The following SHANK1 variants were observed in gnomAD, a reference collection of about 807,000 sequenced individuals.
SHANK1 encodes SH3 and multiple ankyrin repeat domains protein 1.
A neutral mutation model predicts 165.6 loss-of-function variants in SHANK1; 35 were observed. The observed-to-expected ratio is 0.21, with a 90% CI of 0.16 to 0.28. SHANK1 has a LOEUF of 0.28. Ranked by LOEUF, SHANK1 falls within the 10% of genes least tolerant of loss-of-function variation. The pLI, the probability that SHANK1 is intolerant of heterozygous loss-of-function variation, is 1.00. For synonymous variants in SHANK1, 1,428 were observed against 1,384.8 expected (o/e 1.03, Z -0.69); for missense variants, 2,681 against 3,036.4 (o/e 0.88, Z 2.75).
rs1285230103 is a variant in SHANK1 at position 50,716,504 on chromosome 19, G to T, written c.256-26C>A. 1 of 1,612,134 alleles carries T rather than the reference G, an allele frequency of 6.2e-7. No individual in the cohort carries two copies. Among genetic ancestry groups the T allele is most frequent in the East Asian group, 2.2e-5 (1 of 44,848 alleles). Reference sequence around the variant, plus strand: ...CTGGTTGGGGAAGAGATAGGGGCTAGGGTGGGCCAGGGGCCAGAGGAGAGC... The same window carrying T: ...CTGGTTGGGGAAGAGATAGGGGCTATGGTGGGCCAGGGGCCAGAGGAGAGC... On this transcript the variant is annotated intron_variant, in intron 2 of 23. Transcript: ENST00000293441. This position sits in a 1 kb window ranked among gnomAD's most constrained non-coding sequence, Gnocchi z 8.4.
At chr19:50,677,156 C>T (rs112915124) in intron 21 of SHANK1, among the ~76,000 whole-genome samples, 1,665 of 142,884 alleles carry the variant, frequency 0.012, 35 homozygotes, top group African/African-American at 0.04. Flanking sequence ...AGATGGGAGT[C>T]TCACTGTGTC....
chr19:50,703,444 C>A, intron 11 of SHANK1, 56 bp downstream of exon 11: 1 of 1,446,822 alleles, frequency 6.9e-7, no homozygotes, highest in Non-Finnish European at 9.3e-7. Flanking sequence ...AGCCGCCGAT[C>A]TGGAGAGGGG....
intron 11 of SHANK1, 98 bp downstream of exon 11, chr19:50,703,402 C>T: frequency 1.9e-6 from 2 of 1,060,862 alleles, no homozygotes; most frequent in Non-Finnish European, 1.3e-6. Flanking sequence ...TGAGGGCCTA[C>T]AGAGGAAGGC....
rs1047938859 is a variant in SHANK1, at chr19:50,688,547, ATCCACCTGC to A, written c.2172+288_2172+296del. 5.9e-5 allele frequency among the ~76,000 whole-genome samples: 9 copies of A among 152,192 alleles called. No individual in the cohort carries two copies. Among genetic ancestry groups the A allele is most frequent in the African/African-American group, 2.2e-4 (9 of 41,534 alleles). On this transcript the variant is annotated intron_variant, in intron 17 of 23. Transcript: ENST00000293441. This position sits in a 1 kb window ranked among gnomAD's most constrained non-coding sequence, Gnocchi z 6.7. Reference sequence around the variant, plus strand: ...GGTCTCAAACTCTTGAGTTCAAGCAATCCACCTGCTTCAGCCTCCCAAAGCACTGGGATC... The same window carrying A: ...GGTCTCAAACTCTTGAGTTCAAGCAATTCAGCCTCCCAAAGCACTGGGATC...
Position 50,666,241 on chromosome 19 carries a change from C to A in SHANK1, c.5719G>T (p.Gly1907Trp). 1 of 1,609,488 alleles carries A rather than the reference C, an allele frequency of 6.2e-7. No individual in the cohort carries two copies. The highest frequency in any genetic ancestry group is 2.2e-5 in the East Asian group (1 of 44,704). Residue 1907 changes from glycine (G) to tryptophan (W), a missense_variant, in exon 23 of 24, where the codon GGG becomes TGG. Gly to Trp is a radical substitution (Grantham distance 184). Transcript: ENST00000293441. ...GSGGGGDSHH[G>W]GASYVPERTS... ...CTCTCGGGGACATAGCTGGCTCCCC[C>A]GTGGTGGCTGTCTCCGCCTCCCCCA... is the stretch of plus-strand genomic sequence containing the variant.
rs1986343481 is a variant in SHANK1 at position 50,686,524 on chromosome 19, C to T, written c.2459-169G>A. 6.6e-6 allele frequency among the ~76,000 whole-genome samples: 1 copy of T among 152,002 alleles called. No individual in the cohort carries two copies. Among genetic ancestry groups the T allele is most frequent in the South Asian group, 2.1e-4 (1 of 4,818 alleles). Reference sequence around the variant, plus strand: ...GGACGGGCAGTCCCGCTTGGAGACACAATCTCCCAGCCCAGTGGGCAGCAC... The same window carrying T: ...GGACGGGCAGTCCCGCTTGGAGACATAATCTCCCAGCCCAGTGGGCAGCAC... On this transcript the variant is annotated intron_variant, in intron 20 of 23. Transcript: ENST00000293441. This position sits in a 1 kb window ranked among gnomAD's most constrained non-coding sequence, Gnocchi z 5.7.
intron 21 of SHANK1, among the ~76,000 whole-genome samples, chr19:50,673,993 A>G (rs1003556633): frequency 6.6e-6 from 1 of 151,678 alleles, no homozygotes; most frequent in East Asian, 1.9e-4. Context: ...AGTTCTTGCT[A>G]TGTTGCCCAG....
intron 22 of SHANK1, among the ~76,000 whole-genome samples, chr19:50,669,518 T>C (rs1237786563): frequency 6.6e-6 from 1 of 152,040 alleles, no homozygotes; most frequent in Non-Finnish European, 1.5e-5. Flanking sequence ...GTGAGGAAAC[T>C]GAAATTCAGC....
chr19:50,666,822 C>G lies in SHANK1; in HGVS notation c.5138G>C (p.Gly1713Ala). 6.5e-7 allele frequency: 1 copy of G among 1,549,936 alleles called. No homozygotes were observed. The highest frequency in any genetic ancestry group is 8.7e-7 in the Non-Finnish European group (1 of 1,147,704). ...EGGGSAGGGGGAGAGVASGPE... is the reference protein window; with the variant it reads ...EGGGSAGGGGAAGAGVASGPE... ...CCCACTGGCCACACCGGCCCCAGCC[C>G]CGCCCCCACCCCCTGCGCTGCCACC... The change falls in exon 23 of 24, where the codon GGG becomes GCG. Residue 1713 changes from glycine to alanine, a missense_variant. Gly to Ala is a moderately conservative substitution (Grantham distance 60, BLOSUM62 0). Transcript: ENST00000293441.
intron 21 of SHANK1, among the ~76,000 whole-genome samples, chr19:50,683,939 G>A (rs1226605911): frequency 6.6e-6 from 1 of 152,222 alleles, no homozygotes; most frequent in Non-Finnish European, 1.5e-5. Context: ...CTTGGACTTT[G>A]GTTCTGTCTT....
In SHANK1 at chr19:50,716,249, C is replaced by T. The variant is rs1197268446; in HGVS notation, c.459+26G>A. ...TGTTTTAGGGCATGCCTTCTCTTAT[C>T]AGTGAAGGAGTTGGGGAAGCTTCAC... On this transcript the variant is annotated intron_variant, in intron 3 of 23. Transcript: ENST00000293441. The surrounding 1 kb of genome is among the most constrained non-coding windows in gnomAD (Gnocchi z 8.4). 1 of 1,592,098 alleles carries T rather than the reference C, an allele frequency of 6.3e-7. No homozygotes were observed. The highest frequency in any genetic ancestry group is 8.6e-7 in the Non-Finnish European group (1 of 1,160,298).
intron 15 of SHANK1, among the ~76,000 whole-genome samples, chr19:50,696,381 C>T (rs1288304838): frequency 6.6e-6 from 1 of 152,076 alleles, no homozygotes; most frequent in Non-Finnish European, 1.5e-5. Flanking sequence ...ACCCCAGCCC[C>T]ACCCTCTCTC....
intron 19 of SHANK1, among the ~76,000 whole-genome samples, chr19:50,687,251 G>T (rs929480304): frequency 6.6e-6 from 1 of 152,026 alleles, no homozygotes; most frequent in Non-Finnish European, 1.5e-5. Context: ...TTGGGGGTTG[G>T]GGGGAGCTGG....
chr19:50,719,134 C>T (rs2089104171), intron 1 of SHANK1, among the ~76,000 whole-genome samples: 1 of 77,162 alleles, frequency 1.3e-5, no homozygotes, highest in Non-Finnish European at 2.5e-5. Context: ...CCCGGAGAGC[C>T]GGGAGGCGGG....
In SHANK1 at chr19:50,703,624, G is replaced by C; in HGVS notation, c.1429C>G (p.Pro477Ala). ...GTCCCGCTGCTGAGCTTGGTGGTGG[G>C]GGCCGAGGGCTGCGACTGGCCCTGG... ...GSQGQSQPSA[P>A]TTKLSSGTLR... The change falls in exon 11 of 24, where the codon CCC becomes GCC. Residue 477 changes from proline to alanine, a missense_variant. By Grantham distance (27) the Pro-to-Ala change is conservative. Around this residue, in one of 10 missense-constraint regions of SHANK1, gnomAD observed 195 missense variants for 186.2 expected, o/e 1.05. Coordinates refer to ENST00000293441, the MANE Select transcript of SHANK1 (RefSeq NM_016148.5). The C allele has an allele frequency of 1.3e-6, 2 of 1,551,636 alleles. No individual in the cohort carries two copies. The highest frequency in any genetic ancestry group is 1.7e-6 in the Non-Finnish European group (2 of 1,150,664).
At chr19:50,708,452 C>T (rs2088970594) in intron 8 of SHANK1, among the ~76,000 whole-genome samples, 1 of 152,176 alleles carries the variant, frequency 6.6e-6, no homozygotes, top group Admixed American at 6.5e-5. Context: ...GATTTGCTTA[C>T]ACGTCTGCCT....
In SHANK1 at chr19:50,666,220, C is replaced by G. The variant is rs549051295; in HGVS notation, c.5740G>C (p.Glu1914Gln). The G allele has an allele frequency of 6.2e-7, 1 of 1,605,610 alleles. No individual in the cohort carries two copies. The highest frequency in any genetic ancestry group is 1.7e-5 in the Admixed American group (1 of 59,102). The part of the protein sequence containing the change: ...SHHGGASYVP[E>Q]RTSSLQRQRL... ...TGCCGCTGCAGGGAGGAGGTCCTCTCGGGGACATAGCTGGCTCCCCCGTGG... is the reference window on the plus strand; with the variant it reads ...TGCCGCTGCAGGGAGGAGGTCCTCTGGGGGACATAGCTGGCTCCCCCGTGG... The change falls in exon 23 of 24, where the codon GAG (glutamate) becomes CAG (glutamine). Residue 1914 changes from glutamate to glutamine, a missense_variant. By Grantham distance (29) the Glu-to-Gln change is conservative. Coordinates refer to ENST00000293441, the MANE Select transcript of SHANK1 (RefSeq NM_016148.5).
chr19:50,696,801 G>T (rs918605933), intron 15 of SHANK1, among the ~76,000 whole-genome samples: 1 of 152,090 alleles, frequency 6.6e-6, no homozygotes, highest in Non-Finnish European at 1.5e-5. Flanking sequence ...GACATGCCCT[G>T]TGGTGCTTGC....
intron 21 of SHANK1, among the ~76,000 whole-genome samples, chr19:50,678,550 AG>A (rs1479346342): frequency 1.3e-5 from 2 of 149,994 alleles, no homozygotes; most frequent in Non-Finnish European, 3.0e-5. Context: ...GGAAGGGACC[AG>A]GGTGATGGGG....
Sources: allele counts gnomAD v4.1 joint callset (sites outside exome capture counted in the v4.1 genomes callset), GRCh38; gene constraint gnomAD v4.1.1; regional missense constraint gnomAD v4.1.1; non-coding constraint Gnocchi (gnomAD v3.1); transcripts MANE v1.5; gene names NCBI Gene and HGNC (gene_info 2026-07-23, HGNC 2026-07-21).